The following TENM3 variants were observed in gnomAD, a reference collection of about 807,000 sequenced individuals.
TENM3 encodes the protein teneurin transmembrane protein 3.
TENM3 carries 63 observed loss-of-function variants against 255.1 expected under a neutral mutation model. The ratio of observed to expected loss-of-function variants is 0.25; its 90% CI spans 0.20 to 0.30. The LOEUF (loss-of-function observed/expected upper bound fraction) is 0.30. Ranked by LOEUF, TENM3 falls within the 10% of genes least tolerant of loss-of-function variation. The pLI is 1.00. For missense variants in TENM3, 2,929 were observed against 3,461.1 expected, an observed-to-expected ratio of 0.85 and a Z score of 3.86; for synonymous variants, 1,306 against 1,322.3, an observed-to-expected ratio of 0.99 and a Z score of 0.27.
At chr4:182,738,665 G>A (rs1761359893) in intron 18 of TENM3, 121 bp downstream of exon 18, 4 of 709,282 alleles carry the variant, frequency 5.6e-6, no homozygotes, top group Non-Finnish European at 6.3e-6. Flanking sequence ...TGTAGGATTA[G>A]AAATGGCAGA....
chr4:182,088,280 G>A, the TENM3 span, among the ~76,000 whole-genome samples: 1 of 152,136 alleles, frequency 6.6e-6, no homozygotes, highest in African/African-American at 2.4e-5. Flanking sequence ...AGAAATTTGG[G>A]TTAAAACTAT....
At chr4:182,161,684 T>TATACACAC (rs1751231139) in intron 1 of TENM3, among the ~76,000 whole-genome samples, 2 of 121,782 alleles carry the variant, frequency 1.6e-5, no homozygotes, top group Non-Finnish European at 3.3e-5. Flanking sequence ...TGTATATATA[T>TATACACAC]ACACAAATAT....
At chr4:181,909,428 A>T in the TENM3 span, among the ~76,000 whole-genome samples, 6 of 152,124 alleles carry the variant, frequency 3.9e-5, no homozygotes, top group Admixed American at 3.9e-4. Flanking sequence ...CTGATTAGAG[A>T]CACAGTCCCT....
the TENM3 span, among the ~76,000 whole-genome samples, chr4:181,948,282 A>G: frequency 6.6e-6 from 1 of 152,350 alleles, no homozygotes; most frequent in East Asian, 1.9e-4. Context: ...TATTGGTTGT[A>G]TATAGAACAT....
chr4:181,822,443 T>A, the TENM3 span, among the ~76,000 whole-genome samples: 1 of 152,218 alleles, frequency 6.6e-6, no homozygotes, highest in Non-Finnish European at 1.5e-5. Flanking sequence ...GGAAACAGAC[T>A]TATTTAAGGA....
At chr4:182,035,986 G>A in the TENM3 span, among the ~76,000 whole-genome samples, 1 of 151,886 alleles carries the variant, frequency 6.6e-6, no homozygotes, top group Non-Finnish European at 1.5e-5. Context: ...TCTATCACGG[G>A]GTCTTGTGCA....
intron 1 of TENM3, among the ~76,000 whole-genome samples, chr4:182,159,061 G>A (rs984174125): frequency 6.6e-6 from 1 of 152,122 alleles, no homozygotes; most frequent in African/African-American, 2.4e-5. Context: ...AAGCTGCCTC[G>A]TCTCTGACCC....
chr4:181,749,044 G>T, the TENM3 span, among the ~76,000 whole-genome samples: 4 of 152,048 alleles, frequency 2.6e-5, no homozygotes, highest in African/African-American at 7.2e-5. Flanking sequence ...TTCAAGGAAA[G>T]ACATAGCAAG....
the TENM3 span, among the ~76,000 whole-genome samples, chr4:182,100,994 G>A: frequency 2.9e-5 from 4 of 136,360 alleles, no homozygotes; most frequent in East Asian, 4.3e-4. Context: ...GCAGTGAGAC[G>A]AAATGGTACC....
intron 3 of TENM3, among the ~76,000 whole-genome samples, chr4:182,578,622 C>T (rs1413815488): frequency 1.3e-5 from 2 of 148,814 alleles, no homozygotes; most frequent in Non-Finnish European, 2.9e-5. Context: ...AGAAAATAGT[C>T]ATCACTTCAC....
At chr4:182,444,124 T>C (rs1489775813) in intron 3 of TENM3, among the ~76,000 whole-genome samples, 1 of 152,206 alleles carries the variant, frequency 6.6e-6, no homozygotes, top group East Asian at 1.9e-4. Context: ...AATTATGAAT[T>C]GGCCTTTATT....
At chr4:181,934,075 T>TGC in the TENM3 span, among the ~76,000 whole-genome samples, 1,851 of 148,046 alleles carry the variant, frequency 0.013, 32 homozygotes, top group African/African-American at 0.036. Context: ...TGTGTGTGTG[T>TGC]GCGCGCGCTT....
At chr4:182,758,657 T>G (rs146924108) in intron 22 of TENM3, among the ~76,000 whole-genome samples, 9 of 152,318 alleles carry the variant, frequency 5.9e-5, no homozygotes, top group African/African-American at 1.9e-4. Context: ...CCTTCATTTT[T>G]AGAGTACCAT....
chr4:181,926,542 C>T, the TENM3 span, among the ~76,000 whole-genome samples: 1 of 152,046 alleles, frequency 6.6e-6, no homozygotes, highest in Non-Finnish European at 1.5e-5. Flanking sequence ...CATAAAATCT[C>T]CCTGCTAAGG....
chr4:181,486,356 C>T, the TENM3 span, among the ~76,000 whole-genome samples: 1 of 152,152 alleles, frequency 6.6e-6, no homozygotes, highest in African/African-American at 2.4e-5. Context: ...GCTTAAATAC[C>T]CAGTAAGGAC....
intron 1 of TENM3, among the ~76,000 whole-genome samples, chr4:182,314,727 C>G (rs1762652430): frequency 1.3e-5 from 2 of 152,144 alleles, no homozygotes; most frequent in African/African-American, 4.8e-5. Flanking sequence ...ATCTGAAAAT[C>G]TCTGCATTTT....
intron 1 of TENM3, among the ~76,000 whole-genome samples, chr4:182,195,760 A>G (rs1753800889): frequency 6.6e-6 from 1 of 152,368 alleles, no homozygotes; most frequent in Non-Finnish European, 1.5e-5. Context: ...ACATTTAAAA[A>G]GAAATTCAAA....
At chr4:181,517,156 A>G in the TENM3 span, among the ~76,000 whole-genome samples, 1 of 152,168 alleles carries the variant, frequency 6.6e-6, no homozygotes, top group Middle Eastern at 3.4e-3. Flanking sequence ...TAACTGAAAA[A>G]AAAAAAATCC....
chr4:182,301,908 G>C (rs1373313138), intron 1 of TENM3, among the ~76,000 whole-genome samples: 1 of 152,180 alleles, frequency 6.6e-6, no homozygotes, highest in Non-Finnish European at 1.5e-5. Context: ...TTCTGCAGAA[G>C]GGCAAGCTTC....
Sources: gnomAD v4.1 joint callset for allele counts (sites outside exome capture counted in the v4.1 genomes callset) on GRCh38, gnomAD v4.1.1 for gene constraint, MANE v1.5 for transcripts, NCBI Gene and HGNC (gene_info 2026-07-23, HGNC 2026-07-21) for gene names.